The following PRKCA variants were observed in gnomAD, a reference collection of about 807,000 sequenced individuals.
PRKCA encodes the protein protein kinase C alpha type.
Under a neutral mutation model 87.0 loss-of-function variants are expected in PRKCA, and 27 were observed. That is an observed-to-expected ratio of 0.31 (90% CI 0.23 to 0.43). The LOEUF (loss-of-function observed/expected upper bound fraction) is 0.43, where lower values mean the gene tolerates loss of function less well. Among genes scored for constraint, PRKCA ranks in the 20% least tolerant of loss-of-function variants. PRKCA has a pLI of 1.00. For synonymous variants in PRKCA, 329 were observed against 311.1 expected, an observed-to-expected ratio of 1.06 and a Z score of -0.61; for missense variants, 518 against 852.3, an observed-to-expected ratio of 0.61 and a Z score of 4.88.
rs1019140197 is a variant in PRKCA at position 66,796,317 on chromosome 17, C to T, written c.1854+7338C>T. The T allele has an allele frequency of 7.2e-5, 31 of 431,046 alleles. 1 individual carries two copies. Among genetic ancestry groups the T allele is most frequent in the East Asian group, 4.7e-4 (3 of 6,366 alleles). 26.7% of individuals were successfully genotyped at this position (431,046 alleles called of 1,614,324 possible). A position where few individuals can be genotyped will look rare whatever the true frequency, so the allele number is the denominator to read the frequency against. On this transcript the variant is annotated intron_variant, in intron 16 of 16. Transcript: ENST00000413366. ...TGCGTCTTTCACGTAGCAATGTATC[C>T]GACAGGTGTTTCCGCATCAGCTCAC...
intron 2 of PRKCA, among the ~76,000 whole-genome samples, chr17:66,426,701 C>A (rs1567823209): frequency 6.6e-6 from 1 of 152,192 alleles, no homozygotes; most frequent in Non-Finnish European, 1.5e-5. Flanking sequence ...CGTGGGAATA[C>A]CCTTCAAGGG....
chr17:66,583,594 CAA>C (rs58515241), intron 3 of PRKCA, among the ~76,000 whole-genome samples: 4 of 133,554 alleles, frequency 3.0e-5, no homozygotes, highest in Non-Finnish European at 3.4e-5. Flanking sequence ...TTAAATGAAC[CAA>C]AAAAAAAAAA....
intron 2 of PRKCA, among the ~76,000 whole-genome samples, chr17:66,412,210 C>G (rs1440602801): frequency 6.6e-6 from 1 of 152,012 alleles, no homozygotes; most frequent in Non-Finnish European, 1.5e-5. Context: ...GCACACACCA[C>G]CACATCCAGT....
intron 13 of PRKCA, among the ~76,000 whole-genome samples, chr17:66,767,364 G>A (rs1051235519): frequency 3.3e-5 from 5 of 152,178 alleles, no homozygotes; most frequent in Non-Finnish European, 5.9e-5. Context: ...GGTACGGAGT[G>A]AAGACGGACT....
chr17:66,473,950 C>CAAAAAAAA (rs559696387), intron 2 of PRKCA, among the ~76,000 whole-genome samples: 1 of 151,852 alleles, frequency 6.6e-6, no homozygotes, highest in Non-Finnish European at 1.5e-5. Context: ...CAAAAAAAAA[C>CAAAAAAAA]AAAAAAGCTC....
At chr17:66,642,898 C>G (rs1567950518) in intron 4 of PRKCA, among the ~76,000 whole-genome samples, 1 of 151,970 alleles carries the variant, frequency 6.6e-6, no homozygotes, top group Non-Finnish European at 1.5e-5. Flanking sequence ...CAAAATTAGT[C>G]TGGTGGTGGT....
At chr17:66,736,229 T>C (rs1974022430) in intron 10 of PRKCA, among the ~76,000 whole-genome samples, 1 of 151,832 alleles carries the variant, frequency 6.6e-6, no homozygotes, top group South Asian at 2.1e-4. Context: ...TGCCTGGTAC[T>C]GTGCTCAGAC....
intron 8 of PRKCA, among the ~76,000 whole-genome samples, chr17:66,691,810 C>T (rs565598791): frequency 7.2e-5 from 11 of 152,322 alleles, no homozygotes; most frequent in African/African-American, 1.7e-4. Context: ...ACAGCACGGG[C>T]GTTCCCCACA....
intron 8 of PRKCA, among the ~76,000 whole-genome samples, chr17:66,721,258 A>G (rs1973607839): frequency 1.3e-5 from 2 of 151,916 alleles, no homozygotes; most frequent in African/African-American, 4.8e-5. Flanking sequence ...TTAGCCAGGC[A>G]TGGTGGTGGG....
At chr17:66,363,857 C>T (rs1380147953) in intron 2 of PRKCA, among the ~76,000 whole-genome samples, 1 of 152,180 alleles carries the variant, frequency 6.6e-6, no homozygotes. Context: ...CGCGTGCCAC[C>T]ATGCCTGGCT....
intron 3 of PRKCA, among the ~76,000 whole-genome samples, chr17:66,612,171 A>C (rs1437549655): frequency 6.6e-6 from 1 of 152,056 alleles, no homozygotes; most frequent in Non-Finnish European, 1.5e-5. Context: ...ACCTGAGGTC[A>C]AGAGTTTGAA....
chr17:66,365,416 A>G (rs1908652785), intron 2 of PRKCA, among the ~76,000 whole-genome samples: 1 of 152,196 alleles, frequency 6.6e-6, no homozygotes, highest in African/African-American at 2.4e-5. Flanking sequence ...GCCCTGGACT[A>G]AGCCCTTTAG....
Position 66,433,226 on chromosome 17 carries a change from T to C in PRKCA, c.206-62975T>C, listed in dbSNP as rs7218365. On this transcript the variant is annotated intron_variant, in intron 2 of 16. Transcript: ENST00000413366. ...CTCAGTGTATGTGTTCCCAGTAGTG[T>C]GTGCCCTGGAGGAAACCCCAGGGCC... is the stretch of plus-strand genomic sequence containing the variant. Among the ~76,000 whole-genome samples, 1,459 of 152,260 alleles carry C rather than the reference T, an allele frequency of 9.6e-3. 30 individuals are homozygous for C. Among genetic ancestry groups the C allele is most frequent in the African/African-American group, 0.034 (1,399 of 41,556 alleles).
At chr17:66,442,310 G>A (rs1003997259) in intron 2 of PRKCA, among the ~76,000 whole-genome samples, 3 of 151,538 alleles carry the variant, frequency 2.0e-5, no homozygotes, top group African/African-American at 7.3e-5. Context: ...ACCCACCCAG[G>A]CCTCCCAAAG....
At chr17:66,747,131 G>A (rs1285495391) in intron 13 of PRKCA, among the ~76,000 whole-genome samples, 1 of 152,210 alleles carries the variant, frequency 6.6e-6, no homozygotes, top group Admixed American at 6.5e-5. Context: ...GAGTGCAGTA[G>A]CAATCATAGC....
intron 2 of PRKCA, among the ~76,000 whole-genome samples, chr17:66,459,017 G>C (rs1314524536): frequency 1.3e-5 from 2 of 152,080 alleles, no homozygotes; most frequent in East Asian, 3.9e-4. Flanking sequence ...ACCCTGCTAT[G>C]AAGTAATGGA....
At position 66,778,497 on chromosome 17, in the gene PRKCA, CAG is replaced by C. The variant is rs547469348; in HGVS notation, c.1605+4433_1605+4434del. On this transcript the variant is annotated intron_variant, in intron 14 of 16. Transcript: ENST00000413366. ...CGCCACTGCACTGCAGCCTGGGCGACAGAGCGAGACTCCATCTCAAAAAAATA... is the reference window on the plus strand; with the variant it reads ...CGCCACTGCACTGCAGCCTGGGCGACAGCGAGACTCCATCTCAAAAAAATA... 5.0e-3 allele frequency among the ~76,000 whole-genome samples: 761 copies of C among 151,756 alleles called. 4 individuals are homozygous for C. The highest frequency in any genetic ancestry group is 8.4e-3 in the Non-Finnish European group (571 of 67,912).
chr17:66,347,724 C>T, intron 2 of PRKCA, among the ~76,000 whole-genome samples: 1 of 152,124 alleles, frequency 6.6e-6, no homozygotes, highest in Non-Finnish European at 1.5e-5. Context: ...ACGGTAGATG[C>T]ACATTTTCTA....
rs184972093 is a variant in PRKCA, at chr17:66,382,623, A to G, written c.205+76496A>G. ...GCCATTTATTTTTATTTTTATAAAA[A>G]TATGTGTAATAATAAGACAGAAAAA... On this transcript the variant is annotated intron_variant, in intron 2 of 16. Transcript: ENST00000413366. Among the ~76,000 whole-genome samples the G allele has an allele frequency of 1.7e-4, 26 of 152,308 alleles. No individual in the cohort carries two copies. In the East Asian group the frequency reaches 3.3e-3, roughly 19 times the overall value.
Sources: gnomAD v4.1 joint callset for allele counts (sites outside exome capture counted in the v4.1 genomes callset) on GRCh38, gnomAD v4.1.1 for gene constraint, MANE v1.5 for transcripts, NCBI Gene and HGNC (gene_info 2026-07-23, HGNC 2026-07-21) for gene names.